FAM162B: variants seen among roughly 807,000 people sequenced by gnomAD.
The protein encoded by FAM162B is protein FAM162B.
In FAM162B, 16 loss-of-function variants were observed where a neutral mutation model predicts 20.0. That is an observed-to-expected ratio of 0.80 (90% CI 0.54 to 1.21). The LOEUF (loss-of-function observed/expected upper bound fraction) is 1.21, where lower values mean the gene tolerates loss of function less well. Among genes scored for constraint, FAM162B ranks in the 50% most tolerant of loss-of-function variants. The probability of loss-of-function intolerance (pLI) is 0.00; values close to 1 mark genes in which losing one functional copy is unlikely to be tolerated. For synonymous variants in FAM162B, 83 were observed against 89.7 expected, an observed-to-expected ratio of 0.93 and a Z score of 0.42; for missense variants, 260 against 227.5, an observed-to-expected ratio of 1.14 and a Z score of -0.92.
chr6:116,759,461 T>C lies in FAM162B; in HGVS notation c.390+2516A>G, dbSNP rs573542029. ...GACTGCAGGCGCCCGCCACCACGCC[T>C]GGCTAATTTTTTTGTATTTTTTTTT... On this transcript the variant is annotated intron_variant, in intron 3 of 3. Transcript: ENST00000368557. 2.1e-3 allele frequency among the ~76,000 whole-genome samples: 326 copies of C among 151,696 alleles called. 2 individuals are homozygous for C. Among genetic ancestry groups the C allele is most frequent in the Admixed American group, 6.2e-3 (94 of 15,246 alleles).
At chr6:116,765,351 G>A in intron 1 of FAM162B, 54 bp downstream of exon 1, 3 of 1,522,856 alleles carry the variant, frequency 2.0e-6, no homozygotes, top group Middle Eastern at 1.8e-4. Context: ...GCCCCTCGCT[G>A]CCCTCCCGCA....
chr6:116,761,017 A>G (rs2114551687), intron 3 of FAM162B, among the ~76,000 whole-genome samples: 1 of 152,330 alleles, frequency 6.6e-6, no homozygotes, highest in African/African-American at 2.4e-5. Context: ...AAATGTTATA[A>G]TCCAGCTCTA....
At chr6:116,760,896 T>C (rs745877548) in intron 3 of FAM162B, among the ~76,000 whole-genome samples, 12 of 152,094 alleles carry the variant, frequency 7.9e-5, no homozygotes, top group Admixed American at 2.0e-4. Context: ...ATCACAGAAT[T>C]GGGCAGAATG....
Position 116,754,592 on chromosome 6 carries a change from A to T in FAM162B, c.391-1897T>A, listed in dbSNP as rs577511638. 2.6e-5 allele frequency among the ~76,000 whole-genome samples: 4 copies of T among 152,272 alleles called. No individual in the cohort carries two copies. In the East Asian group the frequency reaches 7.7e-4, roughly 29 times the overall value. ...TCCTCCTCTATGTCAGGAGTTGGAG[A>T]TATCTTGAGGAACCTGTGACAGTTC... On this transcript the variant is annotated intron_variant, in intron 3 of 3. Coordinates refer to ENST00000368557, the MANE Select transcript of FAM162B (RefSeq NM_001085480.3).
Position 116,760,652 on chromosome 6 carries a change from G to A in FAM162B, c.390+1325C>T, listed in dbSNP as rs746915766. ...TCAATTTGGCAGGCAGTCATTTAAC[G>A]TTAGGTTAAAAACAAAATATTATCA... On this transcript the variant is annotated intron_variant, in intron 3 of 3. Coordinates refer to ENST00000368557, the MANE Select transcript of FAM162B (RefSeq NM_001085480.3). Among the ~76,000 whole-genome samples, 18 of 152,256 alleles carry A rather than the reference G, an allele frequency of 1.2e-4. 3 individuals carry two copies. The highest frequency in any genetic ancestry group is 5.9e-4 in the Admixed American group (9 of 15,296).
intron 1 of FAM162B, 51 bp downstream of exon 1, chr6:116,765,354 C>T: frequency 6.6e-7 from 1 of 1,516,684 alleles, no homozygotes; most frequent in Non-Finnish European, 8.9e-7. Context: ...CCTCGCTGCC[C>T]TCCCGCAACC....
chr6:116,761,437 A>C (rs188338928), intron 3 of FAM162B, among the ~76,000 whole-genome samples: 1 of 151,952 alleles, frequency 6.6e-6, no homozygotes, highest in Non-Finnish European at 1.5e-5. Flanking sequence ...TGATTTAATG[A>C]ATGATCTAGT....
chr6:116,759,027 T>G (rs1780089081), intron 3 of FAM162B, among the ~76,000 whole-genome samples: 1 of 152,158 alleles, frequency 6.6e-6, no homozygotes, highest in African/African-American at 2.4e-5. Flanking sequence ...AATTTTAGAC[T>G]TAGTTTGTCT....
intron 2 of FAM162B, among the ~76,000 whole-genome samples, chr6:116,764,588 C>A (rs556152801): frequency 3.3e-5 from 5 of 152,240 alleles, no homozygotes; most frequent in African/African-American, 1.2e-4. Context: ...GCGCGTCCCA[C>A]CCTGAGTAAA....
intron 3 of FAM162B, among the ~76,000 whole-genome samples, chr6:116,754,574 C>G (rs1339338296): frequency 6.6e-6 from 1 of 152,128 alleles, no homozygotes; most frequent in African/African-American, 2.4e-5. Context: ...GAATCCTCCT[C>G]TATGTCAGGA....
At chr6:116,761,727 T>C (rs967523151) in intron 3 of FAM162B, among the ~76,000 whole-genome samples, 1 of 133,606 alleles carries the variant, frequency 7.5e-6, no homozygotes, top group African/African-American at 2.6e-5. Flanking sequence ...TATATATACT[T>C]ATATATACAC....
At chr6:116,758,568 A>T (rs1188526162) in intron 3 of FAM162B, among the ~76,000 whole-genome samples, 1 of 152,098 alleles carries the variant, frequency 6.6e-6, no homozygotes, top group Non-Finnish European at 1.5e-5. Flanking sequence ...AGAATTTTAA[A>T]CTTTATATGA....
chr6:116,761,726 TTA>T (rs200626254), intron 3 of FAM162B, among the ~76,000 whole-genome samples: 5,647 of 144,032 alleles, frequency 0.039, 167 homozygotes, highest in Middle Eastern at 0.071. Context: ...GTATATATAC[TTA>T]TATATACACA....
Position 116,765,410 on chromosome 6 carries a change from CCT to C in FAM162B, c.165_166del (p.Gly56SerfsTer80). ...CCGTCGGAGCCCTGGCTCACCGTGA[CCT>C]TGGGGCCCAGAATTGCTGGGGGCCC... On this transcript the variant is annotated frameshift_variant, in exon 1 of 4. Transcript: ENST00000368557. LOFTEE classifies it high-confidence loss of function. The C allele has an allele frequency of 6.9e-7, 1 of 1,459,680 alleles. No homozygotes were observed. The highest frequency in any genetic ancestry group is 9.1e-7 in the Non-Finnish European group (1 of 1,104,038). 90.4% of individuals were successfully genotyped at this position (1,459,680 alleles called of 1,614,324 possible).
chr6:116,752,750 A>ATC (rs1780007376), intron 3 of FAM162B, 55 bp from the exon 4 acceptor site: 8 of 442,838 alleles, frequency 1.8e-5, no homozygotes, highest in Non-Finnish European at 2.6e-5. Flanking sequence ...ACGTATATAT[A>ATC]TATATATACA....
Position 116,755,644 on chromosome 6 carries a change from A to T in FAM162B, c.391-2949T>A, listed in dbSNP as rs141240171. Among the ~76,000 whole-genome samples the T allele has an allele frequency of 7.7e-4, 118 of 152,362 alleles. 1 individual carries two copies. The East Asian group carries it at 0.021, about 27-fold the overall frequency. ...CTCATTTTGGAAGAAAATGCCATCT[A>T]GAACTTTCAGAGATAGAGAGAAGTC... On this transcript the variant is annotated intron_variant, in intron 3 of 3. Coordinates refer to ENST00000368557, the MANE Select transcript of FAM162B (RefSeq NM_001085480.3).
chr6:116,757,623 C>T (rs1012675379), intron 3 of FAM162B, among the ~76,000 whole-genome samples: 1 of 151,988 alleles, frequency 6.6e-6, no homozygotes, highest in East Asian at 1.9e-4. Context: ...GTCATTGACA[C>T]CTGTGGTCCC....
At chr6:116,762,350 A>T (rs997673689) in intron 2 of FAM162B, among the ~76,000 whole-genome samples, 1 of 152,176 alleles carries the variant, frequency 6.6e-6, no homozygotes, top group African/African-American at 2.4e-5. Context: ...CTCAAAATAT[A>T]ACTACTAGAG....
intron 3 of FAM162B, among the ~76,000 whole-genome samples, chr6:116,754,723 G>A (rs1780034905): frequency 1.3e-5 from 2 of 151,872 alleles, no homozygotes; most frequent in Admixed American, 6.6e-5. Context: ...CAAATTGAAG[G>A]TTTGTGGCAA....
Sources: gnomAD v4.1 joint callset for allele counts (sites outside exome capture counted in the v4.1 genomes callset) on GRCh38, gnomAD v4.1.1 for gene constraint, MANE v1.5 for transcripts, NCBI Gene and HGNC (gene_info 2026-07-23, HGNC 2026-07-21) for gene names.